Variants in FAM184B observed in about 807,000 individuals in gnomAD.
FAM184B encodes the protein family with sequence similarity 184 member B, also known as protein FAM184B.
FAM184B carries 111 observed loss-of-function variants against 135.9 expected under a neutral mutation model. That is an observed-to-expected ratio of 0.82 (90% CI 0.70 to 0.96). The LOEUF (loss-of-function observed/expected upper bound fraction) is 0.96, where lower values mean the gene tolerates loss of function less well. FAM184B is among the 40% of genes least tolerant of loss of function. The pLI is 0.00. For synonymous variants in FAM184B, 552 were observed against 524.8 expected (o/e 1.05, Z -0.71); for missense variants, 1,375 against 1,323.9 (o/e 1.04, Z -0.60).
intron 1 of FAM184B, among the ~76,000 whole-genome samples, chr4:17,764,353 C>T (rs1718612462): frequency 6.6e-6 from 1 of 152,174 alleles, no homozygotes; most frequent in African/African-American, 2.4e-5. Context: ...TCCACAAGAC[C>T]CCTCCAAATT....
At chr4:17,682,868 G>C (rs896164092) in intron 7 of FAM184B, among the ~76,000 whole-genome samples, 1 of 152,190 alleles carries the variant, frequency 6.6e-6, no homozygotes. Flanking sequence ...AAACCCCTGA[G>C]TCTTGAACAA....
At chr4:17,644,542 A>G (rs1385978998) in intron 12 of FAM184B, among the ~76,000 whole-genome samples, 3 of 152,372 alleles carry the variant, frequency 2.0e-5, no homozygotes, top group Admixed American at 1.3e-4. Context: ...ACAGCCCTTC[A>G]TGCTAAAAAC....
intron 15 of FAM184B, 119 bp downstream of exon 15, chr4:17,636,409 G>T (rs1279127962): frequency 8.7e-6 from 7 of 807,680 alleles, no homozygotes; most frequent in Non-Finnish European, 8.0e-6. Context: ...GGCAAGAAAG[G>T]ATTCTTTGTA....
intron 12 of FAM184B, among the ~76,000 whole-genome samples, chr4:17,646,582 G>A (rs1255602744): frequency 1.3e-5 from 2 of 152,124 alleles, no homozygotes; most frequent in African/African-American, 4.8e-5. Flanking sequence ...GACTGTTGTG[G>A]GGTGGGGGTA....
intron 8 of FAM184B, among the ~76,000 whole-genome samples, chr4:17,662,552 G>T (rs1715942947): frequency 6.6e-6 from 1 of 152,226 alleles, no homozygotes; most frequent in South Asian, 2.1e-4. Context: ...TGGCCAGGCT[G>T]GTCTTGAACT....
At chr4:17,645,881 C>CA (rs917422141) in intron 12 of FAM184B, among the ~76,000 whole-genome samples, 4 of 150,324 alleles carry the variant, frequency 2.7e-5, no homozygotes, top group Non-Finnish European at 3.0e-5. Flanking sequence ...AAATTTACAA[C>CA]AAAAAAACAA....
intron 1 of FAM184B, among the ~76,000 whole-genome samples, chr4:17,775,098 G>A (rs1424563789): frequency 1.4e-5 from 2 of 144,064 alleles, no homozygotes; most frequent in Admixed American, 7.4e-5. Flanking sequence ...CCGGGTTCAA[G>A]TGATTCTCCT....
chr4:17,720,054 T>C (rs1359303790), intron 1 of FAM184B, among the ~76,000 whole-genome samples: 2 of 152,232 alleles, frequency 1.3e-5, no homozygotes, highest in African/African-American at 4.8e-5. Flanking sequence ...ATCCTTCACA[T>C]AGGAATGCCC....
Position 17,642,238 on chromosome 4 carries a change from G to A in FAM184B, c.2347-10C>T. On this transcript the variant is annotated splice_polypyrimidine_tract_variant and intron_variant, in intron 12 of 17. Coordinates refer to ENST00000265018, the MANE Select transcript of FAM184B (RefSeq NM_015688.2). The stretch of plus-strand genomic sequence containing the variant: ...CCGGGCCGCCCCGCTCCTGAGGAAG[G>A]CAACCAGGAGAGGTGTTTTCAGGAG... The A allele has an allele frequency of 2.0e-6, 3 of 1,473,504 alleles. No individual in the cohort carries two copies. The highest frequency in any genetic ancestry group is 1.3e-5 in the South Asian group (1 of 74,600). The allele number at this position is 1,473,504 out of a possible 1,614,324, so 91.3% of individuals were successfully genotyped here. A position where few individuals can be genotyped will look rare whatever the true frequency, so the allele number is the denominator to read the frequency against.
intron 1 of FAM184B, among the ~76,000 whole-genome samples, chr4:17,760,497 C>T (rs1445439378): frequency 1.3e-5 from 2 of 150,784 alleles, no homozygotes; most frequent in East Asian, 3.9e-4. Flanking sequence ...AACAAACAAA[C>T]AAACAAAAAA....
At chr4:17,690,585 C>G (rs898879815) in intron 6 of FAM184B, among the ~76,000 whole-genome samples, 3 of 152,176 alleles carry the variant, frequency 2.0e-5, no homozygotes, top group Admixed American at 6.5e-5. Flanking sequence ...TGCAGGGGAA[C>G]AGCAAGGCTA....
chr4:17,641,930 T>G, intron 13 of FAM184B, 126 bp downstream of exon 13: 1 of 1,340,242 alleles, frequency 7.5e-7, no homozygotes, highest in Non-Finnish European at 9.7e-7. Flanking sequence ...TAGTGTCTTG[T>G]GGGGCAGGAT....
chr4:17,761,542 G>C (rs547512129), intron 1 of FAM184B, among the ~76,000 whole-genome samples: 7 of 152,254 alleles, frequency 4.6e-5, no homozygotes, highest in Admixed American at 1.3e-4. Flanking sequence ...GGCCACCAAT[G>C]GCCAACTATA....
rs930355819 is a variant in FAM184B, at chr4:17,752,436, C to T, written c.141+28723G>A. Among the ~76,000 whole-genome samples the T allele has an allele frequency of 7.2e-5, 11 of 152,106 alleles. No individual in the cohort carries two copies. The East Asian group carries it at 2.1e-3, about 29-fold the overall frequency. ...GTGGGTCAATGAGTGGGTGGGATAG[C>T]TTACTAGAGGAACAATGAGTAACTA... On this transcript the variant is annotated intron_variant, in intron 1 of 17. Transcript: ENST00000265018.
chr4:17,658,493 G>C lies in FAM184B; in HGVS notation c.1894C>G (p.Gln632Glu). 1 of 1,551,534 alleles carries C rather than the reference G, an allele frequency of 6.4e-7. No homozygotes were observed. Among genetic ancestry groups the C allele is most frequent in the African/African-American group, 1.4e-5 (1 of 73,162 alleles). Reference protein sequence around the residue: ...NYREDLQALKQLSDLEREKLQ... With the variant: ...NYREDLQALKELSDLEREKLQ... ...TTCTCCCTCTCCAGGTCCGAGAGCT[G>C]CTTGAGTGCCTGCAGGTCCTCCCTG... Residue 632 changes from glutamine to glutamate, a missense_variant, in exon 10 of 18, where the codon CAG becomes GAG. Coordinates refer to ENST00000265018, the MANE Select transcript of FAM184B (RefSeq NM_015688.2).
chr4:17,732,546 A>G (rs1717807000), intron 1 of FAM184B, among the ~76,000 whole-genome samples: 2 of 152,224 alleles, frequency 1.3e-5, no homozygotes, highest in Admixed American at 1.3e-4. Flanking sequence ...CCATTAGAGA[A>G]TACTATAAAC....
At chr4:17,638,850 G>A (rs889933311) in intron 14 of FAM184B, among the ~76,000 whole-genome samples, 12 of 151,922 alleles carry the variant, frequency 7.9e-5, no homozygotes, top group East Asian at 3.9e-4. Context: ...ACCACACCCC[G>A]CCTCCTGCCC....
chr4:17,711,410 G>A (rs1014271687), intron 1 of FAM184B, among the ~76,000 whole-genome samples: 1 of 152,086 alleles, frequency 6.6e-6, no homozygotes, highest in African/African-American at 2.4e-5. Context: ...CCTGGGAGGT[G>A]GAGGTTGTGG....
intron 6 of FAM184B, among the ~76,000 whole-genome samples, chr4:17,691,547 G>T (rs1716735406): frequency 6.6e-6 from 1 of 152,158 alleles, no homozygotes; most frequent in African/African-American, 2.4e-5. Flanking sequence ...TTAGCCTGGT[G>T]TGGTGGCATG....
Sources: gnomAD v4.1 joint callset for allele counts (sites outside exome capture counted in the v4.1 genomes callset) on GRCh38, gnomAD v4.1.1 for gene constraint, MANE v1.5 for transcripts, NCBI Gene and HGNC (gene_info 2026-07-23, HGNC 2026-07-21) for gene names.